Variants in ARMCX4 observed in about 807,000 individuals in gnomAD.
ARMCX4 encodes the protein armadillo repeat-containing X-linked protein 4.
A neutral mutation model predicts 34.7 loss-of-function variants in ARMCX4; 3 were observed. The ratio of observed to expected loss-of-function variants is 0.09; its 90% CI spans 0.04 to 0.22. The LOEUF (loss-of-function observed/expected upper bound fraction) is 0.22. Ranked by LOEUF, ARMCX4 falls within the 10% of genes least tolerant of loss-of-function variation. The pLI is 1.00. For missense variants in ARMCX4, 1,448 were observed against 1,720.8 expected (o/e 0.84, Z 2.81); for synonymous variants, 513 against 632.8 (o/e 0.81, Z 2.84).
intron 11 of ARMCX4, among the ~76,000 whole-genome samples, chrX:101,525,197 C>A (rs1556020118): frequency 8.9e-6 from 1 of 111,954 alleles, no homozygotes; most frequent in African/African-American, 3.2e-5. Context: ...GAGTGGACCT[C>A]CAGCAAACTC....
chrX:101,497,230 TTC>T (rs1364668476), downstream of ARMCX4, among the ~76,000 whole-genome samples: 3 of 111,483 alleles, frequency 2.7e-5, no homozygotes, highest in East Asian at 8.4e-4. Context: ...TTGTTGTTTT[TTC>T]TCTTTCTTTT....
At chrX:101,421,926 G>T (rs1268628602) in intron 2 of ARMCX4, among the ~76,000 whole-genome samples, 4 of 109,513 alleles carry the variant, frequency 3.7e-5, no homozygotes, top group African/African-American at 1.0e-4. Context: ...ACACACAGCC[G>T]GCTGTGCAGG....
At chrX:101,502,607 A>G (rs1263000502) in intron 7 of ARMCX4, among the ~76,000 whole-genome samples, 1 of 111,052 alleles carries the variant, frequency 9.0e-6, no homozygotes, top group Non-Finnish European at 1.9e-5. Context: ...TTGCACAATC[A>G]GGTAGAGCAG....
chrX:101,432,899 T>TTATATACACACAC (rs1930228424), intron 2 of ARMCX4, among the ~76,000 whole-genome samples: 2 of 72,280 alleles, frequency 2.8e-5, no homozygotes, highest in South Asian at 8.7e-4. Flanking sequence ...TATATATACG[T>TTATATACACACAC]GTATATACAC....
chrX:101,457,994 G>A lies in ARMCX4; in HGVS notation c.-473+11950G>A, dbSNP rs1281404884. Among the ~76,000 whole-genome samples, 5 of 110,563 alleles carry A rather than the reference G, an allele frequency of 4.5e-5. No homozygotes were observed. In the Admixed American group the frequency reaches 4.8e-4, roughly 11 times the overall value. On this transcript the variant is annotated intron_variant and NMD_transcript_variant, in intron 4 of 15. Transcript: ENST00000433011. ...TGACCTCAGGTGATCCACCAGCTTC[G>A]GCCTCCCAAAGTGTTGGGATTACAG... is the stretch of plus-strand genomic sequence containing the variant.
At chrX:101,507,724 A>G (rs1002263640) in intron 8 of ARMCX4, among the ~76,000 whole-genome samples, 6 of 112,194 alleles carry the variant, frequency 5.3e-5, no homozygotes, top group African/African-American at 1.9e-4. Flanking sequence ...AAATGCCTGT[A>G]TTCTACCCTT....
At chrX:101,434,116 T>C (rs1406079647) in intron 2 of ARMCX4, among the ~76,000 whole-genome samples, 10 of 109,822 alleles carry the variant, frequency 9.1e-5, no homozygotes, top group Non-Finnish European at 1.7e-4. Flanking sequence ...TGCCTGTTTT[T>C]TGTATTTTTA....
rs782396071 is a variant in ARMCX4 at position 101,519,582 on chromosome X, T to A, written c.*1780+8527T>A. Reference sequence around the variant, plus strand: ...TTCTCCATTCATCTTTTGGTGGACATTTAGATTGTTTTCTATCTTGACTAC... The same window carrying A: ...TTCTCCATTCATCTTTTGGTGGACAATTAGATTGTTTTCTATCTTGACTAC... On this transcript the variant is annotated intron_variant and NMD_transcript_variant, in intron 11 of 12. Transcript: ENST00000354842. Among the ~76,000 whole-genome samples the A allele has an allele frequency of 1.5e-4, 17 of 111,736 alleles. No individual in the cohort carries two copies. The South Asian group carries it at 6.4e-3, about 42-fold the overall frequency.
At chrX:101,451,214 TA>T (rs1931959743), downstream of ARMCX4, among the ~76,000 whole-genome samples, 2 of 111,652 alleles carry the variant, frequency 1.8e-5, 1 homozygote, top group Admixed American at 1.9e-4. Flanking sequence ...CCTGTGGTGA[TA>T]AGGCTTGTCA....
intron 11 of ARMCX4, among the ~76,000 whole-genome samples, chrX:101,526,466 C>G (rs1371307895): frequency 4.5e-5 from 5 of 111,887 alleles, no homozygotes; most frequent in African/African-American, 1.3e-4. Context: ...ATGACAGGAT[C>G]AAATTCACAC....
chrX:101,526,978 G>A (rs188084186), intron 11 of ARMCX4, among the ~76,000 whole-genome samples: 15 of 111,399 alleles, frequency 1.3e-4, no homozygotes, highest in East Asian at 5.6e-4. Context: ...TGCACCAAGC[G>A]GACCTAATAG....
chrX:101,457,575 T>TA (rs1384246728), intron 4 of ARMCX4, among the ~76,000 whole-genome samples: 1 of 110,383 alleles, frequency 9.1e-6, no homozygotes, highest in Admixed American at 9.6e-5. Context: ...AATACAAAGT[T>TA]AGCTGGGTGT....
Position 101,489,710 on chromosome X carries a change from C to G in ARMCX4, c.1121C>G (p.Ser374Cys), listed in dbSNP as rs1556008065. The G allele has an allele frequency of 2.6e-6, 3 of 1,154,445 alleles. No individual in the cohort carries two copies. Among genetic ancestry groups the G allele is most frequent in the East Asian group, 6.5e-5 (2 of 30,744 alleles). ...GCCAAGAAACAGGCTGAGGTGACGT[C>G]TGGTGCCAGGGTTGATGGTAGGGGA... Reference protein sequence around the residue: ...TVAKKQAEVTSGARVDGRGNT... With the variant: ...TVAKKQAEVTCGARVDGRGNT... The change falls in exon 6 of 6, where the codon TCT (serine) becomes TGT (cysteine). Residue 374 changes from serine to cysteine, a missense_variant. Coordinates refer to ENST00000423738, the MANE Select transcript of ARMCX4 (RefSeq NM_001256155.3).
intron 11 of ARMCX4, among the ~76,000 whole-genome samples, chrX:101,515,395 C>CTTTCTTTCTTTTTCTTTCTT (rs1556017495): frequency 1.4e-3 from 3 of 2,104 alleles, no homozygotes; most frequent in Non-Finnish European, 1.7e-3. Context: ...CTTTCTTTCC[C>CTTTCTTTCTTTTTCTTTCTT]TCCCTCCCTC....
At position 101,493,184 on chromosome X, in the gene ARMCX4, G is replaced by T; in HGVS notation, c.4595G>T (p.Gly1532Val). The change falls in exon 6 of 6, where the codon GGA becomes GTA. Residue 1532 changes from glycine (G) to valine (V), a missense_variant. By Grantham distance (109) the Gly-to-Val change is moderately radical. Transcript: ENST00000423738. ...GGTGGGGCTAGTGGCCAGGATGTTG[G>T]AGGGTCTAGGCCAGGGCCCACGAAC... is the stretch of plus-strand genomic sequence containing the variant. ...SWGGASGQDV[G>V]GSRPGPTNQS... is the part of the protein sequence containing the mutation. 3 of 1,155,527 alleles carry T rather than the reference G, an allele frequency of 2.6e-6. No homozygotes were observed. The highest frequency in any genetic ancestry group is 3.4e-6 in the Non-Finnish European group (3 of 872,779).
intron 2 of ARMCX4, among the ~76,000 whole-genome samples, chrX:101,425,968 G>C (rs1317709815): frequency 9.1e-6 from 1 of 110,385 alleles, no homozygotes; most frequent in African/African-American, 3.3e-5. Context: ...TTAGAGGTGC[G>C]CACACCACCA....
Position 101,495,321 on chromosome X carries a change from C to A in ARMCX4, c.6732C>A (p.Thr2244=). ...YHFKRRAKAF[T]QDKFSKNSLY... The stretch of plus-strand genomic sequence containing the variant: ...TTAAAAGAAGAGCAAAAGCATTTAC[C>A]CAGGACAAATTCAGTAAAAATTCCC... The change falls in exon 6 of 6, where the codon ACC becomes ACA. Residue 2244 remains threonine, a synonymous_variant. Transcript: ENST00000423738. 8.7e-7 allele frequency: 1 copy of A among 1,149,793 alleles called. No individual in the cohort carries two copies. The highest frequency in any genetic ancestry group is 1.2e-6 in the Non-Finnish European group (1 of 868,003). 94.8% of individuals were successfully genotyped at this position (1,149,793 alleles called of 1,213,427 possible).
intron 4 of ARMCX4, among the ~76,000 whole-genome samples, chrX:101,463,929 G>T (rs781878904): frequency 8.3e-4 from 91 of 109,429 alleles, no homozygotes; most frequent in African/African-American, 2.8e-3. Context: ...AATTTTTTTT[G>T]GTATTTTTGG....
intron 7 of ARMCX4, among the ~76,000 whole-genome samples, chrX:101,501,575 G>A (rs182051532): frequency 9.0e-4 from 101 of 111,778 alleles, no homozygotes; most frequent in African/African-American, 3.0e-3. Flanking sequence ...TATAGCAACA[G>A]TAGCATTCTG....
Sources: gnomAD v4.1 joint callset for allele counts (sites outside exome capture counted in the v4.1 genomes callset) on GRCh38, gnomAD v4.1.1 for gene constraint, MANE v1.5 for transcripts, NCBI Gene and HGNC (gene_info 2026-07-23, HGNC 2026-07-21) for gene names.